EYA1: variants seen among roughly 807,000 people sequenced by gnomAD.
The protein encoded by EYA1 is protein phosphatase EYA1.
In EYA1, 16 loss-of-function variants were observed where a neutral mutation model predicts 82.0. The observed-to-expected ratio is 0.20, with a 90% CI of 0.13 to 0.30. EYA1 has a LOEUF of 0.30. Among genes scored for constraint, EYA1 ranks in the 10% least tolerant of loss-of-function variants. The pLI is 1.00. For missense variants in EYA1, 633 were observed against 730.7 expected (o/e 0.87, Z 1.54); for synonymous variants, 261 against 264.4 (o/e 0.99, Z 0.12).
intron 2 of EYA1, among the ~76,000 whole-genome samples, chr8:71,495,190 G>T (rs1811323819): frequency 6.6e-6 from 1 of 152,130 alleles, no homozygotes; most frequent in Admixed American, 6.6e-5. Context: ...ATTCTTTCTT[G>T]CAATAAAACA....
At chr8:71,392,989 G>C (rs144582170) in intron 2 of EYA1, among the ~76,000 whole-genome samples, 1 of 152,226 alleles carries the variant, frequency 6.6e-6, no homozygotes, top group African/African-American at 2.4e-5. Flanking sequence ...CAATTGAACA[G>C]TTTAGTTGCT....
At chr8:71,323,050 A>C (rs2129033372) in intron 4 of EYA1, among the ~76,000 whole-genome samples, 1 of 152,268 alleles carries the variant, frequency 6.6e-6, no homozygotes, top group Admixed American at 6.5e-5. Context: ...TTGTGCTCTA[A>C]TTTTGAACTG....
In EYA1 at chr8:71,361,895, A is replaced by C; in HGVS notation, c.-303T>G. The C allele has an allele frequency of 1.0e-6, 1 of 985,484 alleles. No individual in the cohort carries two copies. The highest frequency in any genetic ancestry group is 1.2e-6 in the Non-Finnish European group (1 of 829,970). The allele number at this position is 985,484 out of a possible 1,614,324, so 61.0% of individuals were successfully genotyped here. On this transcript the variant is annotated 5_prime_UTR_variant, in exon 1 of 18. Coordinates refer to ENST00000340726, the MANE Select transcript of EYA1 (RefSeq NM_000503.6). ...GCGACTGAGCGAAAACGTGTTCCCCAGGAAGAAACCCGCCACAGTGGACGG... is the reference window on the plus strand; with the variant it reads ...GCGACTGAGCGAAAACGTGTTCCCCCGGAAGAAACCCGCCACAGTGGACGG...
intron 2 of EYA1, among the ~76,000 whole-genome samples, chr8:71,411,645 C>T (rs1257074857): frequency 1.5e-4 from 22 of 151,472 alleles, no homozygotes; most frequent in Admixed American, 2.6e-4. Context: ...TCATCACTGG[C>T]CATCAGAGAA....
intron 2 of EYA1, among the ~76,000 whole-genome samples, chr8:71,482,311 A>G (rs2129213249): frequency 6.6e-6 from 1 of 152,334 alleles, no homozygotes; most frequent in East Asian, 1.9e-4. Context: ...GTCATTATTC[A>G]CCGGGAAAAT....
Position 71,215,424 on chromosome 8 carries a change from T to A in EYA1, c.1560A>T (p.Val520=). The A allele has an allele frequency of 1.2e-6, 2 of 1,613,148 alleles. No individual in the cohort carries two copies. The highest frequency in any genetic ancestry group is 1.7e-6 in the Non-Finnish European group (2 of 1,179,082). Reference sequence around the variant, plus strand: ...CACTGTAAATATTTTCTATTGGAAATACAATTCCTAACCCATACAGCAGGA... The same window carrying A: ...CACTGTAAATATTTTCTATTGGAAAAACAATTCCTAACCCATACAGCAGGA... ...AKVLLYGLGI[V]FPIENIYSAT... is the part of the protein sequence containing the mutation. Residue 520 remains valine, a synonymous_variant, in exon 16 of 18, where the codon GTA becomes GTT. Transcript: ENST00000340726.
chr8:71,274,925 T>TGAGAGCGAGAGCAC (rs144104880), intron 9 of EYA1, among the ~76,000 whole-genome samples: 3 of 82,228 alleles, frequency 3.6e-5, no homozygotes, highest in African/African-American at 1.5e-4. Flanking sequence ...AGAGAGAGAA[T>TGAGAGCGAGAGCAC]GAGAGCGAGT....
intron 4 of EYA1, 60 bp downstream of exon 4, chr8:71,334,037 C>G (rs1331781505): frequency 3.4e-6 from 4 of 1,164,106 alleles, no homozygotes; most frequent in Non-Finnish European, 5.2e-6. Context: ...AGGGACATTA[C>G]ATGAATAAAC....
chr8:71,307,781 T>C (rs1486166545), intron 7 of EYA1, among the ~76,000 whole-genome samples: 2 of 152,198 alleles, frequency 1.3e-5, no homozygotes, highest in Non-Finnish European at 2.9e-5. Flanking sequence ...AGCATGCCGC[T>C]AGGATGTTAA....
At chr8:71,207,739 A>G (rs1301052752) in intron 17 of EYA1, among the ~76,000 whole-genome samples, 2 of 152,084 alleles carry the variant, frequency 1.3e-5, no homozygotes, top group Admixed American at 6.5e-5. Context: ...GTAATTGCTG[A>G]TTGGTTGTTG....
At chr8:71,291,916 T>C (rs1819040332) in intron 9 of EYA1, among the ~76,000 whole-genome samples, 1 of 152,146 alleles carries the variant, frequency 6.6e-6, no homozygotes, top group Admixed American at 6.5e-5. Context: ...ATTGTGATGA[T>C]AGCTATCAAA....
At position 71,413,629 on chromosome 8, in the gene EYA1, C is replaced by A. The variant is rs531984489; in HGVS notation, c.34-57118G>T. Among the ~76,000 whole-genome samples the A allele has an allele frequency of 1.5e-4, 23 of 152,254 alleles. No individual in the cohort carries two copies. In the South Asian group the frequency reaches 4.3e-3, roughly 29 times the overall value. On this transcript the variant is annotated intron_variant, in intron 2 of 18. Transcript: ENST00000643681. ...TAAATAGCCATTTTCTGATTATAAA[C>A]AAAGGAAAAATGCAAACTGTATATG...
Position 71,399,313 on chromosome 8 carries a change from C to A in EYA1, c.34-42802G>T, listed in dbSNP as rs370185720. 4.6e-5 allele frequency among the ~76,000 whole-genome samples: 7 copies of A among 152,258 alleles called. No individual in the cohort carries two copies. The South Asian group carries it at 6.2e-4, about 14-fold the overall frequency. ...TCTGACAAGCCCCAGTGAGATGAAT[C>A]CAGTACCTCAGTTGGAAATGCGGAA... On this transcript the variant is annotated intron_variant, in intron 2 of 18. Transcript: ENST00000643681.
intron 2 of EYA1, among the ~76,000 whole-genome samples, chr8:71,504,349 T>C (rs1387808770): frequency 6.6e-6 from 1 of 152,320 alleles, no homozygotes; most frequent in African/African-American, 2.4e-5. Context: ...TTTTAAAATA[T>C]GCATAATAGA....
chr8:71,294,278 T>A (rs903339562), intron 9 of EYA1, among the ~76,000 whole-genome samples: 12 of 151,860 alleles, frequency 7.9e-5, no homozygotes, highest in African/African-American at 2.9e-4. Flanking sequence ...GCTAACACAG[T>A]GAAACCCCGT....
intron 9 of EYA1, among the ~76,000 whole-genome samples, chr8:71,286,012 G>C (rs1315897836): frequency 1.3e-5 from 2 of 152,140 alleles, no homozygotes; most frequent in African/African-American, 4.8e-5. Context: ...GGATCAGAAG[G>C]GGAAAATGGA....
At chr8:71,408,808 G>C (rs1011198204) in intron 2 of EYA1, among the ~76,000 whole-genome samples, 28 of 134,574 alleles carry the variant, frequency 2.1e-4, no homozygotes, top group African/African-American at 7.4e-4. Flanking sequence ...ACATTAGACA[G>C]ATCAACGAGC....
intron 2 of EYA1, among the ~76,000 whole-genome samples, chr8:71,436,207 A>G (rs551034481): frequency 6.6e-6 from 1 of 152,240 alleles, no homozygotes. Flanking sequence ...ATAAAACTCT[A>G]TTAAAATGCC....
intron 12 of EYA1, among the ~76,000 whole-genome samples, chr8:71,226,032 CAA>C (rs937098833): frequency 2.6e-5 from 4 of 152,016 alleles, no homozygotes; most frequent in South Asian, 2.1e-4. Context: ...ATTTAGAGAA[CAA>C]AGTCTTTACT....
Sources: allele counts gnomAD v4.1 joint callset (sites outside exome capture counted in the v4.1 genomes callset), GRCh38; gene constraint gnomAD v4.1.1; transcripts MANE v1.5; gene names NCBI Gene and HGNC (gene_info 2026-07-23, HGNC 2026-07-21).